COL4A4: variants seen among roughly 807,000 people sequenced by gnomAD.
COL4A4 encodes collagen type IV alpha 4 chain.
In COL4A4, 105 loss-of-function variants were observed where a neutral mutation model predicts 192.9. That is an observed-to-expected ratio of 0.54 (90% CI 0.46 to 0.64). COL4A4 has a LOEUF of 0.64. Among genes scored for constraint, COL4A4 ranks in the 30% least tolerant of loss-of-function variants. The probability of loss-of-function intolerance (pLI) is 0.00; values close to 1 mark genes in which losing one functional copy is unlikely to be tolerated. For synonymous variants in COL4A4, 762 were observed against 769.9 expected, an observed-to-expected ratio of 0.99 and a Z score of 0.17; for missense variants, 1,967 against 2,169.3, an observed-to-expected ratio of 0.91 and a Z score of 1.85.
At chr2:227,055,274 G>A (rs952818269) in intron 30 of COL4A4, among the ~76,000 whole-genome samples, 3 of 151,888 alleles carry the variant, frequency 2.0e-5, no homozygotes, top group Non-Finnish European at 4.4e-5. Context: ...TGGCACTAGG[G>A]AGACCAAGGC....
intron 43 of COL4A4, among the ~76,000 whole-genome samples, chr2:227,023,389 C>G (rs1038218263): frequency 6.7e-6 from 1 of 148,712 alleles, no homozygotes; most frequent in African/African-American, 2.5e-5. Flanking sequence ...GTTGCATGAG[C>G]TGAGATCGTG....
chr2:227,148,407 T>C (rs2063695213), intron 1 of COL4A4, among the ~76,000 whole-genome samples: 1 of 152,236 alleles, frequency 6.6e-6, no homozygotes, highest in Non-Finnish European at 1.5e-5. Context: ...ACATATTTTA[T>C]GATTCTATGT....
At chr2:227,086,758 C>T (rs2059622554) in intron 22 of COL4A4, among the ~76,000 whole-genome samples, 1 of 152,158 alleles carries the variant, frequency 6.6e-6, no homozygotes, top group Non-Finnish European at 1.5e-5. Flanking sequence ...TATTTTAGAG[C>T]CATTAAAATC....
At chr2:227,131,139 GCTTT>G (rs1328880087) in intron 4 of COL4A4, among the ~76,000 whole-genome samples, 1 of 148,732 alleles carries the variant, frequency 6.7e-6, no homozygotes, top group Non-Finnish European at 1.5e-5. Flanking sequence ...AAATCTGTCT[GCTTT>G]TTTTTTTTTT....
At chr2:227,075,304 G>C (rs981667028) in intron 25 of COL4A4, among the ~76,000 whole-genome samples, 2 of 151,666 alleles carry the variant, frequency 1.3e-5, no homozygotes, top group African/African-American at 4.8e-5. Context: ...TATCCACCAC[G>C]ATCAAGTCTG....
At chr2:227,095,803 G>A (rs1002631288) in intron 19 of COL4A4, among the ~76,000 whole-genome samples, 2 of 152,218 alleles carry the variant, frequency 1.3e-5, no homozygotes, top group Admixed American at 1.3e-4. Context: ...GCTGAGGCAG[G>A]AGAATCGCTT....
At chr2:227,050,852 C>T (rs1973945837) in intron 33 of COL4A4, 125 bp downstream of exon 33, 1 of 1,136,702 alleles carries the variant, frequency 8.8e-7, no homozygotes, top group Non-Finnish European at 1.3e-6. Context: ...TTGAGCTACA[C>T]CTTACATTCT....
rs1333628812 is a variant in COL4A4 at position 227,123,718 on chromosome 2, C to G, written c.193-2570G>C. Among the ~76,000 whole-genome samples, 2 of 152,190 alleles carry G rather than the reference C, an allele frequency of 1.3e-5. No individual in the cohort carries two copies. The highest frequency in any genetic ancestry group is 2.4e-5 in the African/African-American group (1 of 41,442). ...AGACACAGATGCCAGCAGCTGAAGTCCCCCAGAGCCTGAGCACAGAAACAA... is the reference window on the plus strand; with the variant it reads ...AGACACAGATGCCAGCAGCTGAAGTGCCCCAGAGCCTGAGCACAGAAACAA... On this transcript the variant is annotated intron_variant, in intron 4 of 47. Coordinates refer to ENST00000396625, the MANE Select transcript of COL4A4 (RefSeq NM_000092.5). This position sits in a 1 kb window ranked among gnomAD's most constrained non-coding sequence, Gnocchi z 4.6.
At chr2:227,009,521 G>A (rs1209273421) in intron 46 of COL4A4, among the ~76,000 whole-genome samples, 1 of 151,912 alleles carries the variant, frequency 6.6e-6, no homozygotes, top group Non-Finnish European at 1.5e-5. Flanking sequence ...CTGGCCGCAA[G>A]ACCCCAGCTC....
intron 37 of COL4A4, among the ~76,000 whole-genome samples, chr2:227,040,701 G>T (rs1970611215): frequency 6.6e-6 from 1 of 151,786 alleles, no homozygotes; most frequent in Non-Finnish European, 1.5e-5. Flanking sequence ...GAGTAGATGG[G>T]ATTACAGGCA....
At chr2:227,163,775 G>T (rs941551735) in intron 1 of COL4A4, among the ~76,000 whole-genome samples, 52 of 152,152 alleles carry the variant, frequency 3.4e-4, no homozygotes, top group African/African-American at 1.2e-3. Flanking sequence ...GGAGTGCCCC[G>T]ACTGCCAGGC....
Position 227,057,672 on chromosome 2 carries a change from C to T in COL4A4, c.2384-72G>A, listed in dbSNP as rs55939887. ...CAGATGGCCCATGATGAATTGTTCACGCATATCAATACTGGAGGTGAACAT... is the reference window on the plus strand; with the variant it reads ...CAGATGGCCCATGATGAATTGTTCATGCATATCAATACTGGAGGTGAACAT... On this transcript the variant is annotated intron_variant, in intron 28 of 47. Transcript: ENST00000396625. The T allele has an allele frequency of 2.9e-3, 4,249 of 1,481,354 alleles. 10 individuals carry two copies. The highest frequency in any genetic ancestry group is 3.6e-3 in the Non-Finnish European group (3,828 of 1,064,586). The allele number at this position is 1,481,354 out of a possible 1,614,324, so 91.8% of individuals were successfully genotyped here. A position where few individuals can be genotyped will look rare whatever the true frequency, so the allele number is the denominator to read the frequency against.
intron 9 of COL4A4, 68 bp downstream of exon 9, chr2:227,111,610 G>C (rs186855434): frequency 6.5e-7 from 1 of 1,527,068 alleles, no homozygotes; most frequent in East Asian, 2.2e-5. Context: ...GCTTTGCTGG[G>C]ATTAAAACGT....
Position 227,007,241 on chromosome 2 carries a change from C to T in COL4A4, c.*84G>A. On this transcript the variant is annotated 3_prime_UTR_variant, in exon 48 of 48. Coordinates refer to ENST00000396625, the MANE Select transcript of COL4A4 (RefSeq NM_000092.5). ...ACTGAAAGGGAGTCCAAAATGAGCACCATGACATCTCTTAGCACAGTCTAG... is the reference window on the plus strand; with the variant it reads ...ACTGAAAGGGAGTCCAAAATGAGCATCATGACATCTCTTAGCACAGTCTAG... The T allele has an allele frequency of 6.3e-7, 1 of 1,586,222 alleles. No homozygotes were observed. Among genetic ancestry groups the T allele is most frequent in the Non-Finnish European group, 8.7e-7 (1 of 1,155,552 alleles).
rs766565996 is a variant in COL4A4 at position 227,094,223 on chromosome 2, A to G, written c.1271T>C (p.Ile424Thr). ...GLPGLPGEAG[I>T]PGRPDSAPGK... The stretch of plus-strand genomic sequence containing the variant: ...TGGAGCAGAATCAGGTCTCCCAGGA[A>G]TACCAGCTTCTCCTGGAAGCCCAGG... Residue 424 changes from isoleucine (I) to threonine (T), a missense_variant, in exon 20 of 48, where the codon ATT becomes ACT. Ile to Thr is a moderately conservative substitution (Grantham distance 89). Transcript: ENST00000396625. The G allele has an allele frequency of 1.2e-6, 2 of 1,613,836 alleles. No homozygotes were observed.
intron 25 of COL4A4, among the ~76,000 whole-genome samples, chr2:227,074,420 G>A: frequency 6.6e-6 from 1 of 152,024 alleles, no homozygotes; most frequent in East Asian, 1.9e-4. Flanking sequence ...GCATGGATGT[G>A]GAGAAAAGGG....
At position 227,109,999 on chromosome 2, in the gene COL4A4, T is replaced by C. The variant is rs543580732; in HGVS notation, c.595-713A>G. On this transcript the variant is annotated intron_variant, in intron 9 of 47. Transcript: ENST00000396625. ...TTATATATTAATGTATTTATACTTT[T>C]TAGTATGTTTTTAAAACATGGTCTG... Among the ~76,000 whole-genome samples the C allele has an allele frequency of 3.9e-5, 6 of 152,314 alleles. No individual in the cohort carries two copies. In the South Asian group the frequency reaches 1.0e-3, roughly 26 times the overall value.
intron 4 of COL4A4, among the ~76,000 whole-genome samples, chr2:227,135,808 A>C (rs980246515): frequency 1.3e-5 from 2 of 151,416 alleles, no homozygotes; most frequent in African/African-American, 4.9e-5. Flanking sequence ...ATGCCTGGCT[A>C]ATTTTTTGTA....
intron 1 of COL4A4, among the ~76,000 whole-genome samples, chr2:227,150,691 G>A (rs780652357): frequency 1.3e-5 from 2 of 152,154 alleles, no homozygotes; most frequent in Non-Finnish European, 2.9e-5. Flanking sequence ...TCACAGGGCA[G>A]CAGGAGACAG....
Sources: allele counts gnomAD v4.1 joint callset (sites outside exome capture counted in the v4.1 genomes callset), GRCh38; gene constraint gnomAD v4.1.1; non-coding constraint Gnocchi (gnomAD v3.1); transcripts MANE v1.5; gene names NCBI Gene and HGNC (gene_info 2026-07-23, HGNC 2026-07-21).